Variants in TMEM132C observed in about 807,000 individuals in gnomAD.
The protein encoded by TMEM132C is transmembrane protein 132C, also known as protein phosphatase 1, regulatory subunit 152.
Under a neutral mutation model 61.4 loss-of-function variants are expected in TMEM132C, and 29 were observed. The observed-to-expected ratio is 0.47, with a 90% confidence interval of 0.35 to 0.64. The LOEUF is 0.64. Ranked by LOEUF, TMEM132C falls within the 30% of genes least tolerant of loss-of-function variation. The probability of loss-of-function intolerance (pLI) is 0.00; values close to 1 mark genes in which losing one functional copy is unlikely to be tolerated. For synonymous variants in TMEM132C, 656 were observed against 633.1 expected, an observed-to-expected ratio of 1.04 and a Z score of -0.54; for missense variants, 1,408 against 1,476.9, an observed-to-expected ratio of 0.95 and a Z score of 0.76.
At position 128,326,507 on chromosome 12, in the gene TMEM132C, T is replaced by C. The variant is rs1872521817; in HGVS notation, c.85+59020T>C. Among the ~76,000 whole-genome samples the C allele has an allele frequency of 6.6e-6, 1 of 152,236 alleles. No homozygotes were observed. Among genetic ancestry groups the C allele is most frequent in the Non-Finnish European group, 1.5e-5 (1 of 68,040 alleles). On this transcript the variant is annotated intron_variant, in intron 1 of 8. Transcript: ENST00000435159. The surrounding 1 kb of genome is among the most constrained non-coding windows in gnomAD (Gnocchi z 5.6). ...TCTCCAGAGGGGTCTTGGTTTTCCA[T>C]CCTGCCCTGAGCCTAGTGTGAGGTG...
rs138780143 is a variant in TMEM132C at position 128,512,904 on chromosome 12, C to T, written c.975-31053C>T. On this transcript the variant is annotated intron_variant, in intron 2 of 8. Coordinates refer to ENST00000435159, the MANE Select transcript of TMEM132C (RefSeq NM_001136103.3). ...AAAGCCAAGAATGTGTGACTTTCCA[C>T]GCTCTCAATCTGAGTTCATGCGACA... Among the ~76,000 whole-genome samples the T allele has an allele frequency of 1.4e-3, 206 of 152,290 alleles. 1 individual carries two copies. Among genetic ancestry groups the T allele is most frequent in the Middle Eastern group, 6.8e-3 (2 of 294 alleles).
At chr12:128,634,477 G>GTGC (rs1343976781) in intron 4 of TMEM132C, among the ~76,000 whole-genome samples, 3 of 152,230 alleles carry the variant, frequency 2.0e-5, no homozygotes, top group African/African-American at 7.2e-5. Flanking sequence ...AAATATCTGC[G>GTGC]TGCTGCTTCT....
chr12:128,378,030 C>A (rs574446445), intron 1 of TMEM132C, among the ~76,000 whole-genome samples: 1 of 152,312 alleles, frequency 6.6e-6, no homozygotes, highest in South Asian at 2.1e-4. Flanking sequence ...GAGCCAGGAA[C>A]CCAAGCTGCC....
intron 3 of TMEM132C, among the ~76,000 whole-genome samples, chr12:128,559,096 AACACACACACAC>A (rs368220802): frequency 4.7e-5 from 7 of 149,128 alleles, no homozygotes; most frequent in African/African-American, 1.5e-4. Flanking sequence ...TGCATATGCA[AACACACACACAC>A]ACACACAAAC....
intron 4 of TMEM132C, among the ~76,000 whole-genome samples, chr12:128,625,094 C>T (rs1029730556): frequency 1.3e-5 from 2 of 152,080 alleles, no homozygotes; most frequent in African/African-American, 2.4e-5. Flanking sequence ...GGTGGAGAAA[C>T]CCCCAGAGAA....
intron 3 of TMEM132C, among the ~76,000 whole-genome samples, chr12:128,559,286 T>C (rs1001937995): frequency 2.0e-5 from 3 of 152,142 alleles, no homozygotes; most frequent in African/African-American, 7.2e-5. Flanking sequence ...TTCTTTATTC[T>C]TTTTTTCCAA....
chr12:128,653,928 C>A (rs1248259897), intron 4 of TMEM132C, among the ~76,000 whole-genome samples: 1 of 152,232 alleles, frequency 6.6e-6, no homozygotes, highest in Admixed American at 6.5e-5. Context: ...TCCAAGCCCT[C>A]TGTGCCTCAG....
intron 2 of TMEM132C, among the ~76,000 whole-genome samples, chr12:128,423,293 G>A (rs933684458): frequency 5.3e-5 from 8 of 152,230 alleles, no homozygotes; most frequent in African/African-American, 1.9e-4. Flanking sequence ...GGGACCTCCT[G>A]GTTCATTAGT....
chr12:128,333,107 G>GTGTA lies in TMEM132C; in HGVS notation c.85+65623_85+65624insATGT, dbSNP rs374867729. 2.3e-3 allele frequency among the ~76,000 whole-genome samples: 355 copies of GTGTA among 152,044 alleles called. 3 individuals carry two copies. The highest frequency in any genetic ancestry group is 0.01 in the Middle Eastern group (3 of 294). On this transcript the variant is annotated intron_variant, in intron 1 of 8. Coordinates refer to ENST00000435159, the MANE Select transcript of TMEM132C (RefSeq NM_001136103.3). ...TGTGCATGTGTGTTGTATGAACGCT[G>GTGTA]TGTGTTTATGTGAGTGCTGTTTTTA...
chr12:128,646,180 A>T (rs1356915849), intron 4 of TMEM132C, among the ~76,000 whole-genome samples: 3 of 151,456 alleles, frequency 2.0e-5, no homozygotes, highest in Non-Finnish European at 4.4e-5. Context: ...ATTGGATATG[A>T]GTGTGTTTAC....
intron 1 of TMEM132C, among the ~76,000 whole-genome samples, chr12:128,349,621 C>G (rs1873276465): frequency 6.6e-6 from 1 of 152,176 alleles, no homozygotes; most frequent in Non-Finnish European, 1.5e-5. Flanking sequence ...TATTCTTCTA[C>G]CAATACCTAT....
chr12:128,606,881 A>G (rs978047189), intron 3 of TMEM132C, among the ~76,000 whole-genome samples: 1 of 152,206 alleles, frequency 6.6e-6, no homozygotes, highest in African/African-American at 2.4e-5. Context: ...AATGCATTTT[A>G]TGGATATGAA....
intron 4 of TMEM132C, among the ~76,000 whole-genome samples, chr12:128,644,713 A>G (rs757489276): frequency 9.9e-5 from 15 of 152,202 alleles, no homozygotes; most frequent in Admixed American, 4.6e-4. Context: ...CCATGGCACT[A>G]TACGCTTAAA....
chr12:128,437,992 G>A (rs913621580), intron 2 of TMEM132C: 1 of 152,184 alleles, frequency 6.6e-6, no homozygotes. Context: ...GGGAGCTTTG[G>A]TCCTTGGTTT....
chr12:128,549,836 G>A (rs1331580987), intron 3 of TMEM132C, among the ~76,000 whole-genome samples: 4 of 151,944 alleles, frequency 2.6e-5, no homozygotes, highest in Admixed American at 2.0e-4. Flanking sequence ...GACACAGTGA[G>A]CCATGACCTC....
chr12:128,392,151 C>T (rs531089394), intron 1 of TMEM132C, among the ~76,000 whole-genome samples: 14 of 151,778 alleles, frequency 9.2e-5, no homozygotes, highest in Non-Finnish European at 1.5e-4. Flanking sequence ...CAGGGAGCTC[C>T]GTGCTTTGAG....
intron 5 of TMEM132C, among the ~76,000 whole-genome samples, chr12:128,687,807 G>A (rs1185619976): frequency 6.6e-6 from 1 of 152,206 alleles, no homozygotes; most frequent in Non-Finnish European, 1.5e-5. Flanking sequence ...AGGCCCCTGG[G>A]CTGCAAGGAC....
At chr12:128,311,247 G>A (rs1012879965) in intron 1 of TMEM132C, among the ~76,000 whole-genome samples, 13 of 152,202 alleles carry the variant, frequency 8.5e-5, no homozygotes, top group African/African-American at 1.4e-4. Flanking sequence ...GATAAGATCC[G>A]TACTTCTTTC....
intron 1 of TMEM132C, among the ~76,000 whole-genome samples, chr12:128,355,078 G>A (rs562037818): frequency 6.6e-6 from 1 of 152,292 alleles, no homozygotes; most frequent in South Asian, 2.1e-4. Context: ...CCCTCCCCCT[G>A]CAGTTCAAAG....
Sources: allele counts gnomAD v4.1 joint callset (sites outside exome capture counted in the v4.1 genomes callset), GRCh38; gene constraint gnomAD v4.1.1; non-coding constraint Gnocchi (gnomAD v3.1); transcripts MANE v1.5; gene names NCBI Gene and HGNC (gene_info 2026-07-23, HGNC 2026-07-21).